The following VWA8 variants were observed in gnomAD, a reference collection of about 807,000 sequenced individuals.
VWA8 encodes von Willebrand factor A domain-containing protein 8.
Under a neutral mutation model 241.5 loss-of-function variants are expected in VWA8, and 221 were observed. That is an observed-to-expected ratio of 0.91 (90% CI 0.82 to 1.02). The LOEUF is 1.02. Among genes scored for constraint, VWA8 ranks in the 50% least tolerant of loss-of-function variants. VWA8 has a pLI of 0.00. For missense variants in VWA8, 2,322 were observed against 2,328.7 expected, an observed-to-expected ratio of 1.00 and a Z score of 0.06; for synonymous variants, 852 against 827.1, an observed-to-expected ratio of 1.03 and a Z score of -0.52.
At chr13:41,895,558 A>G (rs1875059491) in intron 4 of VWA8, among the ~76,000 whole-genome samples, 2 of 152,184 alleles carry the variant, frequency 1.3e-5, no homozygotes, top group African/African-American at 4.8e-5. Flanking sequence ...TCTTCTACAG[A>G]TAACTACAAT....
intron 37 of VWA8, among the ~76,000 whole-genome samples, chr13:41,655,106 T>C (rs2044894522): frequency 6.6e-6 from 1 of 151,984 alleles, no homozygotes; most frequent in African/African-American, 2.4e-5. Flanking sequence ...TTTTTTTTTT[T>C]TTGAGACAGA....
intron 40 of VWA8, among the ~76,000 whole-genome samples, chr13:41,596,424 C>G (rs2044488409): frequency 6.6e-6 from 1 of 152,006 alleles, no homozygotes; most frequent in Admixed American, 6.6e-5. Context: ...GTATATAAAG[C>G]CTTCTGTATT....
intron 40 of VWA8, 33 bp from the exon 41 acceptor site, chr13:41,590,798 T>C: frequency 2.5e-6 from 4 of 1,609,830 alleles, no homozygotes; most frequent in Non-Finnish European, 3.4e-6. Flanking sequence ...CACAAAGCCT[T>C]AATTAGTTAT....
intron 41 of VWA8, 87 bp downstream of exon 41, chr13:41,590,553 G>A: frequency 1.7e-6 from 2 of 1,207,260 alleles, no homozygotes; most frequent in Admixed American, 2.3e-5. Context: ...CAGGATTTGT[G>A]ATATTTTGAC....
intron 37 of VWA8, among the ~76,000 whole-genome samples, chr13:41,632,861 T>C (rs934675946): frequency 6.6e-6 from 1 of 152,156 alleles, no homozygotes; most frequent in Non-Finnish European, 1.5e-5. Flanking sequence ...TGACAGTCAC[T>C]ATGGTTCAAA....
chr13:41,598,675 G>C (rs1361533638), intron 40 of VWA8, among the ~76,000 whole-genome samples: 2 of 151,998 alleles, frequency 1.3e-5, no homozygotes, highest in Non-Finnish European at 2.9e-5. Flanking sequence ...GCTGTGCACA[G>C]AATTCTTGGG....
At chr13:41,622,378 C>A (rs949619939) in intron 37 of VWA8, among the ~76,000 whole-genome samples, 1 of 152,066 alleles carries the variant, frequency 6.6e-6, no homozygotes, top group Non-Finnish European at 1.5e-5. Context: ...CTTTCATGTG[C>A]GTGTTGAAAA....
chr13:41,842,428 T>C (rs1428221849), intron 12 of VWA8, among the ~76,000 whole-genome samples: 2 of 152,230 alleles, frequency 1.3e-5, no homozygotes, highest in African/African-American at 2.4e-5. Context: ...CAGGATGCGA[T>C]GTTGACATTA....
chr13:41,870,082 C>G (rs960100760), intron 9 of VWA8, among the ~76,000 whole-genome samples: 3 of 152,062 alleles, frequency 2.0e-5, no homozygotes, highest in Non-Finnish European at 4.4e-5. Flanking sequence ...CATAAGTACT[C>G]AAGACAATCA....
chr13:41,623,149 G>C (rs984724545), intron 37 of VWA8, among the ~76,000 whole-genome samples: 1 of 152,088 alleles, frequency 6.6e-6, no homozygotes, highest in Non-Finnish European at 1.5e-5. Flanking sequence ...CACTGTCCTG[G>C]ATGCACTGCT....
chr13:41,718,638 C>G (rs888846045), intron 26 of VWA8, among the ~76,000 whole-genome samples: 3 of 151,558 alleles, frequency 2.0e-5, no homozygotes, highest in Non-Finnish European at 4.4e-5. Context: ...TATATCCTGA[C>G]AAGTTTTTAT....
At chr13:41,654,806 C>G (rs550371535) in intron 37 of VWA8, among the ~76,000 whole-genome samples, 1 of 152,144 alleles carries the variant, frequency 6.6e-6, no homozygotes, top group African/African-American at 2.4e-5. Flanking sequence ...GAGGGATGTT[C>G]TACAAAATCA....
chr13:41,927,125 G>C, intron 2 of VWA8: 1 of 398,740 alleles, frequency 2.5e-6, no homozygotes, highest in South Asian at 2.1e-5. Context: ...TGAACAACAG[G>C]CCAAAGCCAA....
At chr13:41,800,936 T>C (rs1198176192) in intron 17 of VWA8, among the ~76,000 whole-genome samples, 1 of 152,080 alleles carries the variant, frequency 6.6e-6, no homozygotes, top group Admixed American at 6.5e-5. Flanking sequence ...TAATAAAATA[T>C]ATGACAGAAA....
rs111474435 is a variant in VWA8 at position 41,760,996 on chromosome 13, A to G, written c.2426+132T>C. ...TTATTACCTTTAAAGGAGAGAAGAG[A>G]TAAGAGCAAGAAGAACAGAAATAAA... On this transcript the variant is annotated intron_variant, in intron 21 of 44. Transcript: ENST00000379310. The G allele has an allele frequency of 4.2e-5, 37 of 888,172 alleles. 1 individual carries two copies. The highest frequency in any genetic ancestry group is 2.7e-4 in the African/African-American group (16 of 59,200). 55.0% of individuals were successfully genotyped at this position (888,172 alleles called of 1,614,324 possible).
chr13:41,692,936 C>G lies in VWA8; in HGVS notation c.3601G>C (p.Ala1201Pro), dbSNP rs753154954. Residue 1201 changes from alanine to proline, a missense_variant, in exon 30 of 45, where the codon GCC becomes CCC. Transcript: ENST00000379310. ...GAAGGGAGGATGAGACGATGAAGGG[C>G]CCGGCCAGTAGTATCTAACAACAGG... ...VILLLDTTGR[A>P]LHRLILPSEK... The G allele has an allele frequency of 1.9e-6, 3 of 1,611,024 alleles. No individual in the cohort carries two copies. Among genetic ancestry groups the G allele is most frequent in the Non-Finnish European group, 2.5e-6 (3 of 1,178,164 alleles).
At position 41,894,979 on chromosome 13, in the gene VWA8, C is replaced by A. The variant is rs115551073; in HGVS notation, c.484-3392G>T. 1.7e-3 allele frequency among the ~76,000 whole-genome samples: 258 copies of A among 151,554 alleles called. 2 individuals carry two copies. The highest frequency in any genetic ancestry group is 5.7e-3 in the African/African-American group (237 of 41,258). On this transcript the variant is annotated intron_variant, in intron 4 of 44. Coordinates refer to ENST00000379310, the MANE Select transcript of VWA8 (RefSeq NM_015058.2). ...CTGCTGCAGGGACTTGGTTGGGGAC[C>A]GTGTGGGAGATAACAGTCTTTTTTT... is the stretch of plus-strand genomic sequence containing the variant.
At chr13:41,947,258 T>G (rs566524871) in intron 2 of VWA8, among the ~76,000 whole-genome samples, 2 of 152,254 alleles carry the variant, frequency 1.3e-5, no homozygotes, top group South Asian at 4.1e-4. Context: ...GAGCACATAG[T>G]CTAGTGGAAG....
chr13:41,571,450 C>CTGAT (rs1384257888), intron 43 of VWA8, among the ~76,000 whole-genome samples: 4 of 152,084 alleles, frequency 2.6e-5, no homozygotes, highest in African/African-American at 9.7e-5. Context: ...ACCTCCCTGC[C>CTGAT]TGATTCTCCT....
Sources: allele counts gnomAD v4.1 joint callset (sites outside exome capture counted in the v4.1 genomes callset), GRCh38; gene constraint gnomAD v4.1.1; transcripts MANE v1.5; gene names NCBI Gene and HGNC (gene_info 2026-07-23, HGNC 2026-07-21).